Variants in PTPRS observed in about 807,000 individuals in gnomAD.
PTPRS encodes the protein receptor-type tyrosine-protein phosphatase S.
PTPRS carries 63 observed loss-of-function variants against 215.3 expected under a neutral mutation model. The observed-to-expected ratio is 0.29, with a 90% CI of 0.24 to 0.36. PTPRS has a LOEUF of 0.36. PTPRS is among the 10% of genes least tolerant of loss of function. The pLI is 1.00. For synonymous variants in PTPRS, 1,404 were observed against 1,191.4 expected, an observed-to-expected ratio of 1.18 and a Z score of -3.68; for missense variants, 2,258 against 2,825.8, an observed-to-expected ratio of 0.80 and a Z score of 4.56.
chr19:5,207,870 G>C, intron 37 of PTPRS, 52 bp downstream of exon 37: 2 of 1,597,736 alleles, frequency 1.3e-6, no homozygotes, highest in Admixed American at 3.4e-5. Flanking sequence ...TGGAGCTTAG[G>C]GGCAGTCGGG....
intron 16 of PTPRS, among the ~76,000 whole-genome samples, chr19:5,228,351 A>AAAC (rs1240800928): frequency 8.6e-6 from 1 of 116,536 alleles, no homozygotes; most frequent in Non-Finnish European, 1.8e-5. Context: ...TCTGGAGAAA[A>AAAC]AAAAAAAAAA....
At chr19:5,299,986 A>G (rs1332433112) in intron 1 of PTPRS, among the ~76,000 whole-genome samples, 1 of 152,152 alleles carries the variant, frequency 6.6e-6, no homozygotes, top group Non-Finnish European at 1.5e-5. Context: ...CCCACCTGTA[A>G]TCCCAGCATT....
At chr19:5,280,589 CG>C (rs1017225104) in intron 2 of PTPRS, among the ~76,000 whole-genome samples, 2 of 152,008 alleles carry the variant, frequency 1.3e-5, no homozygotes, top group African/African-American at 4.8e-5. Flanking sequence ...GGCGTGGTGG[CG>C]GGTGCCTGTA....
rs543723862 is a variant in PTPRS, at chr19:5,270,247, C to CT, written c.379+3194dup. Among the ~76,000 whole-genome samples, 107 of 152,286 alleles carry CT rather than the reference C, an allele frequency of 7.0e-4. 1 individual carries two copies. Among genetic ancestry groups the CT allele is most frequent in the African/African-American group, 2.5e-3 (103 of 41,558 alleles). ...GTCTCTTGTTAGAAAAGTATTAAGA[C>CT]TTTCCAGACCACAATAGCGAGCTTT... On this transcript the variant is annotated intron_variant, in intron 4 of 37. Coordinates refer to ENST00000262963, the MANE Select transcript of PTPRS (RefSeq NM_002850.4).
At chr19:5,212,310 G>C (rs144943123) in intron 31 of PTPRS, 27 bp downstream of exon 31, 20 of 1,610,622 alleles carry the variant, frequency 1.2e-5, no homozygotes, top group East Asian at 2.2e-5. Flanking sequence ...GGGGGGAAGC[G>C]GATGGGGCAG....
intron 2 of PTPRS, among the ~76,000 whole-genome samples, chr19:5,281,477 C>T (rs1033761830): frequency 6.6e-6 from 1 of 151,930 alleles, no homozygotes; most frequent in African/African-American, 2.4e-5. Context: ...CAAACCACCA[C>T]AAAAAAGATC....
intron 1 of PTPRS, among the ~76,000 whole-genome samples, chr19:5,317,219 C>A (rs1292892324): frequency 6.6e-6 from 1 of 152,204 alleles, no homozygotes; most frequent in East Asian, 1.9e-4. Flanking sequence ...TGCCTATAAT[C>A]TCGGCACTTT....
chr19:5,288,007 CACA>C, intron 1 of PTPRS, among the ~76,000 whole-genome samples: 1 of 136,946 alleles, frequency 7.3e-6, no homozygotes, highest in Admixed American at 7.2e-5. Flanking sequence ...CACACACACA[CACA>C]ATCAGGCAAA....
chr19:5,282,522 G>T (rs1315925070), intron 2 of PTPRS, among the ~76,000 whole-genome samples: 1 of 152,168 alleles, frequency 6.6e-6, no homozygotes, highest in African/African-American at 2.4e-5. Context: ...AGGTGAAGAG[G>T]CCTGGCGCAG....
chr19:5,231,634 A>G lies in PTPRS; in HGVS notation c.1850-19T>C, dbSNP rs746392934. ...GACGGTTCTATTGGAGGGGGGGAGA[A>G]CGTGGGGGGGTGGGGAAGGGAGGTG... On this transcript the variant is annotated intron_variant, in intron 13 of 37. Transcript: ENST00000262963. 1 of 81,502 alleles carries G rather than the reference A, an allele frequency of 1.2e-5. No individual in the cohort carries two copies. The allele number at this position is 81,502 out of a possible 1,614,324, so 5.0% of individuals were successfully genotyped here. A position where few individuals can be genotyped will look rare whatever the true frequency, so the allele number is the denominator to read the frequency against.
At chr19:5,246,247 TC>T (rs1373442112) in intron 9 of PTPRS, among the ~76,000 whole-genome samples, 1 of 151,580 alleles carries the variant, frequency 6.6e-6, no homozygotes, top group East Asian at 1.9e-4. Context: ...TTGATTTTTT[TC>T]CCCCAAATGA....
At position 5,287,896 on chromosome 19, in the gene PTPRS, G is replaced by C. The variant is rs1239925875; in HGVS notation, c.-94-1662C>G. 6.6e-6 allele frequency among the ~76,000 whole-genome samples: 1 copy of C among 150,508 alleles called. No individual in the cohort carries two copies. Among genetic ancestry groups the C allele is most frequent in the African/African-American group, 2.4e-5 (1 of 40,854 alleles). ...ATACACACCGACACACAGTCAGACTGCAAGCGGTTGCATATCTGCAAGAGA... is the reference window on the plus strand; with the variant it reads ...ATACACACCGACACACAGTCAGACTCCAAGCGGTTGCATATCTGCAAGAGA... On this transcript the variant is annotated intron_variant, in intron 1 of 37. Transcript: ENST00000262963. This position sits in a 1 kb window ranked among gnomAD's most constrained non-coding sequence, Gnocchi z 4.8.
At chr19:5,289,844 T>C (rs964652088) in intron 1 of PTPRS, among the ~76,000 whole-genome samples, 4 of 152,050 alleles carry the variant, frequency 2.6e-5, no homozygotes, top group Non-Finnish European at 5.9e-5. Flanking sequence ...GAGGTGCACA[T>C]AGACTAGACC....
chr19:5,231,066 G>A (rs1381912460), intron 14 of PTPRS, among the ~76,000 whole-genome samples: 3 of 152,198 alleles, frequency 2.0e-5, no homozygotes, highest in Non-Finnish European at 2.9e-5. Context: ...AGGGCAGCCA[G>A]CGAAACTGTC....
chr19:5,212,295 G>A (rs371363031), intron 31 of PTPRS, 42 bp downstream of exon 31: 4 of 1,609,078 alleles, frequency 2.5e-6, no homozygotes, highest in Non-Finnish European at 3.4e-6. Flanking sequence ...TGGGCTGCGG[G>A]GACCGGGGGG....
At chr19:5,309,411 T>C (rs995586440) in intron 1 of PTPRS, among the ~76,000 whole-genome samples, 1 of 152,200 alleles carries the variant, frequency 6.6e-6, no homozygotes, top group Admixed American at 6.5e-5. Context: ...TAACTCGTTT[T>C]GTTGTGCCAG....
chr19:5,243,788 A>G (rs1568463085), intron 11 of PTPRS, 113 bp downstream of exon 11: 15 of 994,464 alleles, frequency 1.5e-5, no homozygotes, highest in Non-Finnish European at 1.1e-5. Flanking sequence ...CTAGCATGAA[A>G]ATATCTTAAA....
intron 1 of PTPRS, among the ~76,000 whole-genome samples, chr19:5,309,884 G>A (rs1422447196): frequency 6.6e-6 from 1 of 152,050 alleles, no homozygotes; most frequent in Non-Finnish European, 1.5e-5. Flanking sequence ...CCCACAGTCT[G>A]TCCTTTCTGC....
intron 1 of PTPRS, among the ~76,000 whole-genome samples, chr19:5,308,044 G>A (rs1227323676): frequency 2.0e-5 from 3 of 152,192 alleles, no homozygotes; most frequent in African/African-American, 7.2e-5. Flanking sequence ...TGCTACTGGG[G>A]AAAGAGAGAG....
Sources: gnomAD v4.1 joint callset for allele counts (sites outside exome capture counted in the v4.1 genomes callset) on GRCh38, gnomAD v4.1.1 for gene constraint, Gnocchi (gnomAD v3.1) non-coding constraint, MANE v1.5 for transcripts, NCBI Gene and HGNC (gene_info 2026-07-23, HGNC 2026-07-21) for gene names.